Variants in SYNE1 observed in about 807,000 individuals in gnomAD.
SYNE1 encodes the protein spectrin repeat containing nuclear envelope protein 1, also known as nesprin-1.
Under a neutral mutation model 1,111.0 loss-of-function variants are expected in SYNE1, and 616 were observed. The ratio of observed to expected loss-of-function variants is 0.55; its 90% CI spans 0.52 to 0.59. The LOEUF (loss-of-function observed/expected upper bound fraction) is 0.59. SYNE1 is among the 20% of genes least tolerant of loss of function. The pLI is 0.00. For missense variants in SYNE1, 10,006 were observed against 10,417.0 expected (o/e 0.96, Z 1.72); for synonymous variants, 3,855 against 3,825.8 (o/e 1.01, Z -0.28).
intron 115 of SYNE1, 25 bp from the exon 116 acceptor site, chr6:152,225,901 T>A: frequency 1.2e-6 from 2 of 1,607,768 alleles, no homozygotes; most frequent in Non-Finnish European, 1.7e-6. Flanking sequence ...AAATAGTCAC[T>A]TTAAATTGTT....
chr6:152,348,279 C>G (rs1029635529), intron 72 of SYNE1, among the ~76,000 whole-genome samples: 1 of 152,160 alleles, frequency 6.6e-6, no homozygotes, highest in African/African-American at 2.4e-5. Context: ...TGGCACAGCC[C>G]CCAGGCTTTA....
At chr6:152,364,730 G>GAAGGAAGGGAGGA in intron 63 of SYNE1, 117 bp downstream of exon 63, 2 of 679,546 alleles carry the variant, frequency 2.9e-6, no homozygotes, top group South Asian at 1.7e-5. Context: ...GGAAGGAAGG[G>GAAGGAAGGGAGGA]AGGAAGGAAA....
intron 3 of SYNE1, among the ~76,000 whole-genome samples, chr6:152,574,810 T>C (rs2099489845): frequency 6.6e-6 from 1 of 152,218 alleles, no homozygotes; most frequent in Non-Finnish European, 1.5e-5. Context: ...TTCAGATCCT[T>C]GGGACAGGCA....
intron 4 of SYNE1, among the ~76,000 whole-genome samples, chr6:152,528,209 A>C (rs965163047): frequency 6.6e-6 from 1 of 152,140 alleles, no homozygotes; most frequent in African/African-American, 2.4e-5. Context: ...CTGCTTATAC[A>C]TGACTCTTAA....
At chr6:152,526,405 C>T (rs1404102356) in intron 4 of SYNE1, among the ~76,000 whole-genome samples, 1 of 152,162 alleles carries the variant, frequency 6.6e-6, no homozygotes, top group African/African-American at 2.4e-5. Flanking sequence ...AGATTTAATG[C>T]TTGAGCCTTA....
chr6:152,256,583 A>T (rs759023050), intron 102 of SYNE1, 51 bp downstream of exon 102: 23 of 1,610,522 alleles, frequency 1.4e-5, no homozygotes, highest in East Asian at 2.2e-5. Flanking sequence ...CAATACAAGC[A>T]AAACAAGACT....
chr6:152,437,743 T>C (rs2098486727), intron 32 of SYNE1, among the ~76,000 whole-genome samples: 2 of 152,142 alleles, frequency 1.3e-5, no homozygotes, highest in Non-Finnish European at 2.9e-5. Context: ...TAAGAGAATC[T>C]CACAGGAGGT....
At chr6:152,631,398 G>A (rs2099697771) in intron 2 of SYNE1, among the ~76,000 whole-genome samples, 2 of 152,174 alleles carry the variant, frequency 1.3e-5, no homozygotes, top group Non-Finnish European at 2.9e-5. Context: ...GGAGAGTGAG[G>A]TGGTGTCCAG....
chr6:152,406,899 A>G (rs1437695522), intron 45 of SYNE1, 115 bp downstream of exon 45: 16 of 723,134 alleles, frequency 2.2e-5, no homozygotes, highest in East Asian at 4.3e-5. Flanking sequence ...TAATAAAATA[A>G]AATAAAAAAT....
At chr6:152,288,122 CTTTG>C (rs1025983178) in intron 95 of SYNE1, among the ~76,000 whole-genome samples, 12 of 125,362 alleles carry the variant, frequency 9.6e-5, no homozygotes, top group Non-Finnish European at 1.9e-4. Context: ...CTTATTATGT[CTTTG>C]TTTTTTTTTT....
intron 105 of SYNE1, among the ~76,000 whole-genome samples, chr6:152,248,362 GA>G (rs1254733616): frequency 2.0e-5 from 3 of 151,880 alleles, no homozygotes; most frequent in African/African-American, 4.8e-5. Context: ...AACAAAAATT[GA>G]AAATAAATTT....
At chr6:152,177,523 G>A (rs2066785619) in intron 129 of SYNE1, among the ~76,000 whole-genome samples, 1 of 152,192 alleles carries the variant, frequency 6.6e-6, no homozygotes, top group Non-Finnish European at 1.5e-5. Flanking sequence ...TAAAGTTAGT[G>A]TGGTAACAGA....
At chr6:152,556,426 C>T (rs1016532045) in intron 3 of SYNE1, among the ~76,000 whole-genome samples, 3 of 152,144 alleles carry the variant, frequency 2.0e-5, no homozygotes, top group African/African-American at 4.8e-5. Context: ...CCCTTCAGAC[C>T]GAGGATTTGG....
chr6:152,223,856 G>A (rs1302764237), intron 117 of SYNE1, among the ~76,000 whole-genome samples: 1 of 152,216 alleles, frequency 6.6e-6, no homozygotes, highest in Non-Finnish European at 1.5e-5. Context: ...AGCAGTGACA[G>A]GTGAGAGTGG....
chr6:152,364,284 A>G (rs1392983358), intron 63 of SYNE1, among the ~76,000 whole-genome samples: 1 of 152,062 alleles, frequency 6.6e-6, no homozygotes, highest in African/African-American at 2.4e-5. Context: ...TAAATTACCC[A>G]ATCTCAGGAA....
At chr6:152,256,536 G>T in intron 102 of SYNE1, 98 bp downstream of exon 102, 1 of 1,528,026 alleles carries the variant, frequency 6.5e-7, no homozygotes, top group Non-Finnish European at 9.0e-7. Context: ...CTCATGCTCA[G>T]GGGTGGATGC....
chr6:152,505,448 C>G, intron 8 of SYNE1, 51 bp from the exon 9 acceptor site: 1 of 1,593,734 alleles, frequency 6.3e-7, no homozygotes, highest in South Asian at 1.1e-5. Context: ...TAGATACAAG[C>G]ACTTTCTTCA....
intron 100 of SYNE1, 99 bp downstream of exon 100, chr6:152,267,957 C>A: frequency 9.5e-7 from 1 of 1,056,964 alleles, no homozygotes; most frequent in Non-Finnish European, 1.4e-6. Context: ...CTAAATTTTG[C>A]AGAAGATGTT....
intron 91 of SYNE1, 96 bp downstream of exon 91, chr6:152,308,393 C>A: frequency 6.4e-7 from 1 of 1,563,066 alleles, no homozygotes. Flanking sequence ...AAGTGCAGGA[C>A]AGGGGAAACT....
Sources: gnomAD v4.1 joint callset for allele counts (sites outside exome capture counted in the v4.1 genomes callset) on GRCh38, gnomAD v4.1.1 for gene constraint, MANE v1.5 for transcripts, NCBI Gene and HGNC (gene_info 2026-07-23, HGNC 2026-07-21) for gene names.